The following LYRM4 variants were observed in gnomAD, a reference collection of about 807,000 sequenced individuals.
LYRM4 encodes the protein LYR motif containing 4, also known as LYR motif-containing protein 4.
In LYRM4, 9 loss-of-function variants were observed where a neutral mutation model predicts 11.7. That is an observed-to-expected ratio of 0.77 (90% confidence interval 0.46 to 1.34). The LOEUF is 1.34. Ranked by LOEUF, LYRM4 falls within the 40% of genes most tolerant of loss-of-function variation. The pLI is 0.00. For missense variants in LYRM4, 133 were observed against 112.5 expected (o/e 1.18, Z -0.82); for synonymous variants, 42 against 40.4 (o/e 1.04, Z -0.15).
the LYRM4 span, among the ~76,000 whole-genome samples, chr6:5,037,896 A>G: frequency 5.6e-3 from 184 of 32,824 alleles, 5 homozygotes; most frequent in African/African-American, 7.1e-3. Flanking sequence ...CGGCCGGGCA[A>G]AGGCGCCCCT....
intron 1 of LYRM4, among the ~76,000 whole-genome samples, chr6:5,231,258 A>C (rs2127742611): frequency 6.6e-6 from 1 of 152,334 alleles, no homozygotes; most frequent in African/African-American, 2.4e-5. Context: ...TTTCAGGTGT[A>C]CAGTAACCTC....
downstream of LYRM4, among the ~76,000 whole-genome samples, chr6:5,099,427 A>ATCTATCTG (rs369204174): frequency 2.6e-5 from 4 of 151,066 alleles, no homozygotes; most frequent in Admixed American, 2.6e-4. The surrounding 1 kb of genome is among the most constrained non-coding windows in gnomAD (Gnocchi z 4.3). Context: ...CTATCTATCT[A>ATCTATCTG]TATTTTATAG....
chr6:5,242,100 T>C (rs1763915847), intron 1 of LYRM4, among the ~76,000 whole-genome samples: 1 of 148,768 alleles, frequency 6.7e-6, no homozygotes. Flanking sequence ...TGAGATAGAG[T>C]CTCACTCTGC....
the LYRM4 span, among the ~76,000 whole-genome samples, chr6:5,076,257 T>C: frequency 2.6e-5 from 4 of 151,546 alleles, no homozygotes; most frequent in Non-Finnish European, 4.4e-5. Flanking sequence ...TTTTTTTTTT[T>C]CCACATAACT....
At chr6:5,128,312 G>A (rs1201479381) in intron 2 of LYRM4, among the ~76,000 whole-genome samples, 2 of 152,178 alleles carry the variant, frequency 1.3e-5, no homozygotes, top group African/African-American at 4.8e-5. Context: ...ACCCATCACC[G>A]CTCACACACC....
rs959216644 is a variant in LYRM4, at chr6:5,248,588, ACT to A, written c.86+12058_86+12059del. Among the ~76,000 whole-genome samples, 45 of 152,314 alleles carry A rather than the reference ACT, an allele frequency of 3.0e-4. 1 individual carries two copies. Among genetic ancestry groups the A allele is most frequent in the African/African-American group, 1.1e-3 (44 of 41,572 alleles). ...GTTCCTTACAGCCAACACCAACTACACTGTTTGTTTCTCATCTGCTCCTGCCT... is the reference window on the plus strand; with the variant it reads ...GTTCCTTACAGCCAACACCAACTACAGTTTGTTTCTCATCTGCTCCTGCCT... On this transcript the variant is annotated intron_variant, in intron 1 of 2. Coordinates refer to ENST00000330636, the MANE Select transcript of LYRM4 (RefSeq NM_020408.6).
chr6:5,121,853 AG>A (rs1239938261), intron 2 of LYRM4, among the ~76,000 whole-genome samples: 1 of 152,214 alleles, frequency 6.6e-6, no homozygotes, highest in East Asian at 1.9e-4. Context: ...CTCTACAATT[AG>A]CTACAAGGTG....
intron 1 of LYRM4, among the ~76,000 whole-genome samples, chr6:5,255,186 C>T (rs1024391538): frequency 6.6e-6 from 1 of 152,152 alleles, no homozygotes; most frequent in African/African-American, 2.4e-5. Context: ...GGGACCATGG[C>T]GGGGGTCTCT....
intron 2 of LYRM4, among the ~76,000 whole-genome samples, chr6:5,158,392 C>A (rs1277007624): frequency 6.6e-6 from 1 of 151,950 alleles, no homozygotes; most frequent in Non-Finnish European, 1.5e-5. Flanking sequence ...TTTCCAAAGC[C>A]CTTGCCACAC....
intron 2 of LYRM4, among the ~76,000 whole-genome samples, chr6:5,185,475 G>A (rs1015242523): frequency 6.6e-6 from 1 of 152,066 alleles, no homozygotes. Flanking sequence ...AGATATAAAG[G>A]GAATACAAAC....
the LYRM4 span, among the ~76,000 whole-genome samples, chr6:5,045,910 T>C: frequency 9.8e-5 from 15 of 152,330 alleles, no homozygotes; most frequent in African/African-American, 3.6e-4. Flanking sequence ...TGCTGCCCCT[T>C]TGGGCTTCTG....
chr6:5,086,332 G>T, the LYRM4 span: 3 of 1,535,810 alleles, frequency 2.0e-6, no homozygotes, highest in Non-Finnish European at 2.6e-6. Context: ...ACCGTCTGGG[G>T]CCTCCGAGCC....
chr6:5,228,960 C>T (rs9502281), intron 1 of LYRM4, among the ~76,000 whole-genome samples: 45,229 of 144,214 alleles, frequency 0.31, 7,275 homozygotes, highest in African/African-American at 0.41. Flanking sequence ...GCCAAGATCA[C>T]GCCACTGCAC....
intron 2 of LYRM4, among the ~76,000 whole-genome samples, chr6:5,118,457 A>G (rs1763248656): frequency 1.3e-5 from 2 of 152,056 alleles, no homozygotes; most frequent in Non-Finnish European, 2.9e-5. Flanking sequence ...ATGGTCTCAG[A>G]TGGCACATGC....
intron 2 of LYRM4, among the ~76,000 whole-genome samples, chr6:5,115,246 G>T (rs1376384039): frequency 6.6e-6 from 1 of 152,142 alleles, no homozygotes; most frequent in Non-Finnish European, 1.5e-5. Context: ...AAACAGATAT[G>T]AATATTTTGA....
At chr6:5,234,575 T>C (rs187407203) in intron 1 of LYRM4, among the ~76,000 whole-genome samples, 21 of 152,306 alleles carry the variant, frequency 1.4e-4, no homozygotes, top group African/African-American at 5.1e-4. Context: ...CTTTGAAGGA[T>C]GAATAGAATT....
intron 2 of LYRM4, among the ~76,000 whole-genome samples, chr6:5,115,063 G>A (rs1196093601): frequency 6.6e-6 from 1 of 152,112 alleles, no homozygotes; most frequent in African/African-American, 2.4e-5. Context: ...AATATTTTCA[G>A]TAACTGTATA....
At chr6:5,102,248 A>C (rs1456481221), downstream of LYRM4, among the ~76,000 whole-genome samples, 2 of 152,158 alleles carry the variant, frequency 1.3e-5, no homozygotes, top group Non-Finnish European at 2.9e-5. Flanking sequence ...TGGCAAATTA[A>C]TAATTTTAAA....
chr6:5,220,284 C>T (rs1189360496), intron 1 of LYRM4, among the ~76,000 whole-genome samples: 1 of 152,230 alleles, frequency 6.6e-6, no homozygotes. Context: ...TAATCACAGC[C>T]TCTGAGCACT....
Sources: allele counts gnomAD v4.1 joint callset (sites outside exome capture counted in the v4.1 genomes callset), GRCh38; gene constraint gnomAD v4.1.1; non-coding constraint Gnocchi (gnomAD v3.1); transcripts MANE v1.5; gene names NCBI Gene and HGNC (gene_info 2026-07-23, HGNC 2026-07-21).